Variants in RDX observed in about 807,000 individuals in gnomAD.
RDX encodes radixin.
RDX carries 32 observed loss-of-function variants against 83.7 expected under a neutral mutation model. The ratio of observed to expected loss-of-function variants is 0.38; its 90% confidence interval spans 0.29 to 0.51. The LOEUF is 0.51. Ranked by LOEUF, RDX falls within the 20% of genes least tolerant of loss-of-function variation. The pLI is 0.87. For missense variants in RDX, 600 were observed against 689.9 expected, an observed-to-expected ratio of 0.87 and a Z score of 1.46; for synonymous variants, 229 against 222.7, an observed-to-expected ratio of 1.03 and a Z score of -0.25.
At chr11:110,192,505 AT>A (rs1426914902) in intron 15 of RDX, among the ~76,000 whole-genome samples, 1 of 152,240 alleles carries the variant, frequency 6.6e-6, no homozygotes, top group Non-Finnish European at 1.5e-5. Flanking sequence ...AAAAGCAAAA[AT>A]TGACAAGTGG....
intron 2 of RDX, chr11:110,273,069 A>T (rs1474859811): frequency 2.2e-6 from 1 of 456,278 alleles, no homozygotes; most frequent in South Asian, 1.5e-5. Flanking sequence ...AAATTTAAAA[A>T]TTAGTTGGGT....
At chr11:110,266,880 G>A (rs149393109) in intron 3 of RDX, among the ~76,000 whole-genome samples, 129 of 143,854 alleles carry the variant, frequency 9.0e-4, no homozygotes, top group African/African-American at 3.3e-3. Context: ...AAGCCACTGC[G>A]CTTGGCCCTT....
At chr11:110,261,408 C>G (rs77321028) in intron 5 of RDX, among the ~76,000 whole-genome samples, 2,290 of 152,276 alleles carry the variant, frequency 0.015, 28 homozygotes, top group Non-Finnish European at 0.026. Context: ...AACTTTTCTA[C>G]AGTAAGAACA....
intron 10 of RDX, among the ~76,000 whole-genome samples, chr11:110,244,205 T>C (rs1020420552): frequency 6.6e-6 from 1 of 151,374 alleles, no homozygotes; most frequent in Admixed American, 6.6e-5. Context: ...CTACTAAAAA[T>C]ATAAAAATTA....
At chr11:110,189,542 T>C (rs1263328988) in intron 15 of RDX, among the ~76,000 whole-genome samples, 1 of 152,164 alleles carries the variant, frequency 6.6e-6, no homozygotes, top group Non-Finnish European at 1.5e-5. Flanking sequence ...TACCCATCAG[T>C]CACAGAATAT....
intron 1 of RDX, among the ~76,000 whole-genome samples, chr11:110,284,800 G>A (rs1013525411): frequency 1.3e-5 from 2 of 152,084 alleles, no homozygotes; most frequent in East Asian, 1.9e-4. Flanking sequence ...TGGGATTACA[G>A]GCGTGAGCCA....
intron 9 of RDX, among the ~76,000 whole-genome samples, chr11:110,251,917 C>G (rs1430546194): frequency 1.3e-5 from 2 of 151,168 alleles, no homozygotes; most frequent in African/African-American, 4.8e-5. Context: ...AACTACTGTT[C>G]TTGCCCAAGA....
At chr11:110,184,741 TCAA>T (rs972175357) in intron 15 of RDX, among the ~76,000 whole-genome samples, 1 of 152,128 alleles carries the variant, frequency 6.6e-6, no homozygotes, top group Non-Finnish European at 1.5e-5. Context: ...GGATGTGTGG[TCAA>T]CAACACGGAT....
intron 10 of RDX, among the ~76,000 whole-genome samples, chr11:110,241,615 T>C (rs1440103007): frequency 2.0e-5 from 3 of 152,198 alleles, no homozygotes; most frequent in Non-Finnish European, 4.4e-5. Flanking sequence ...TAATAATTAA[T>C]TCTTTTCATC....
chr11:110,241,607 ATAAT>A (rs1323773585), intron 10 of RDX, among the ~76,000 whole-genome samples: 1 of 152,178 alleles, frequency 6.6e-6, no homozygotes, highest in Non-Finnish European at 1.5e-5. Context: ...TCAAACTTTA[ATAAT>A]TAATTCTTTT....
intron 9 of RDX, among the ~76,000 whole-genome samples, chr11:110,251,962 T>C (rs1397156563): frequency 6.6e-6 from 1 of 152,178 alleles, no homozygotes; most frequent in Non-Finnish European, 1.5e-5. Flanking sequence ...CCTCTGGGCA[T>C]TCTCCCAGGT....
chr11:110,224,473 T>C (rs1220241565), downstream of RDX, among the ~76,000 whole-genome samples: 1 of 152,118 alleles, frequency 6.6e-6, no homozygotes, highest in Non-Finnish European at 1.5e-5. Context: ...TCCAGAGAAA[T>C]GCTCTGAAAA....
chr11:110,272,799 A>G (rs1437241229), intron 2 of RDX, 180 bp from the exon 3 acceptor site: 1 of 592,794 alleles, frequency 1.7e-6, no homozygotes, highest in Non-Finnish European at 3.0e-6. Flanking sequence ...AATACTTAAC[A>G]TATACTGGGC....
rs142539598 is a variant in RDX at position 110,272,613 on chromosome 11, C to G, written c.19G>C (p.Val7Leu). ...TCAGCATCCATTGTAGTTACTCTTA[C>G]GTTGATCTGTAATAAAAATAAAAGG... MPKPIN[V>L]RVTTMDAELE... Residue 7 changes from valine (V) to leucine (L), a missense_variant, in exon 3 of 14, where the codon GTA (valine) becomes CTA (leucine). Coordinates refer to ENST00000645495, the MANE Select transcript of RDX (RefSeq NM_002906.4). 2 of 1,606,200 alleles carry G rather than the reference C, an allele frequency of 1.2e-6. No individual in the cohort carries two copies. Among genetic ancestry groups the G allele is most frequent in the African/African-American group, 2.7e-5 (2 of 74,676 alleles).
chr11:110,186,475 C>T (rs977032091), intron 15 of RDX, among the ~76,000 whole-genome samples: 20 of 152,006 alleles, frequency 1.3e-4, no homozygotes, highest in Admixed American at 3.3e-4. Flanking sequence ...TTCTAGCATG[C>T]CTCAGCCACT....
intron 2 of RDX, among the ~76,000 whole-genome samples, chr11:110,277,955 T>C (rs566881988): frequency 1.8e-4 from 28 of 152,322 alleles, no homozygotes; most frequent in Admixed American, 4.6e-4. Context: ...CTATAATCCA[T>C]TGAGTTTATG....
chr11:110,189,108 C>T (rs774932235), intron 15 of RDX, among the ~76,000 whole-genome samples: 3 of 151,786 alleles, frequency 2.0e-5, no homozygotes, highest in Non-Finnish European at 4.4e-5. Context: ...CTTCAAGAGA[C>T]CCACTGACAT....
chr11:110,207,483 C>G (rs540285194), intron 14 of RDX, among the ~76,000 whole-genome samples: 6 of 152,306 alleles, frequency 3.9e-5, no homozygotes, highest in Admixed American at 6.5e-5. Flanking sequence ...TATTAATAGT[C>G]ATCCAGACAG....
chr11:110,278,706 T>G (rs1415060213), intron 2 of RDX, among the ~76,000 whole-genome samples: 3 of 152,150 alleles, frequency 2.0e-5, no homozygotes, highest in African/African-American at 7.2e-5. Flanking sequence ...TTGATCTTTA[T>G]GCCTTTTTTT....
Sources: allele counts gnomAD v4.1 joint callset (sites outside exome capture counted in the v4.1 genomes callset), GRCh38; gene constraint gnomAD v4.1.1; transcripts MANE v1.5; gene names NCBI Gene and HGNC (gene_info 2026-07-23, HGNC 2026-07-21).